PID1: variants seen among roughly 807,000 people sequenced by gnomAD.
PID1 encodes PTB-containing, cubilin and LRP1-interacting protein.
A neutral mutation model predicts 19.1 loss-of-function variants in PID1; 10 were observed. The observed-to-expected ratio is 0.52, with a 90% CI of 0.32 to 0.89. PID1 has a LOEUF of 0.89. Among genes scored for constraint, PID1 ranks in the 40% least tolerant of loss-of-function variants. PID1 has a pLI of 0.03. For missense variants in PID1, 248 were observed against 285.3 expected (o/e 0.87, Z 0.94); for synonymous variants, 130 against 116.0 (o/e 1.12, Z -0.78).
rs190799383 is a variant in PID1 at position 229,143,682 on chromosome 2, G to A, written c.177+12136C>T. ...ATTGTAATCACCATGTGTCAAGGGAGGGACCTAGTGTGAGGTGACTGGATC... is the reference window on the plus strand; with the variant it reads ...ATTGTAATCACCATGTGTCAAGGGAAGGACCTAGTGTGAGGTGACTGGATC... On this transcript the variant is annotated intron_variant, in intron 2 of 2. Coordinates refer to ENST00000392055, the MANE Select transcript of PID1 (RefSeq NM_001100818.2). Among the ~76,000 whole-genome samples the A allele has an allele frequency of 1.7e-4, 26 of 152,254 alleles. No homozygotes were observed. In the East Asian group the frequency reaches 5.0e-3, roughly 29 times the overall value.
At chr2:229,052,830 C>T (rs1350100750) in intron 2 of PID1, among the ~76,000 whole-genome samples, 4 of 152,034 alleles carry the variant, frequency 2.6e-5, no homozygotes, top group Non-Finnish European at 5.9e-5. Context: ...TGATAGTGGA[C>T]CAAGAATAAT....
intron 2 of PID1, among the ~76,000 whole-genome samples, chr2:229,146,088 G>A (rs1690123624): frequency 6.6e-6 from 1 of 152,156 alleles, no homozygotes; most frequent in African/African-American, 2.4e-5. Context: ...CCATGCCCTT[G>A]CAAAGGACAT....
At position 229,025,660 on chromosome 2, in the gene PID1, G is replaced by T; in HGVS notation, c.626C>A (p.Ser209Tyr). The part of the protein sequence containing the change: ...IHSNSSSEEV[S>Y]QELESDDG ...GCCATCATCGGATTCCAATTCCTGGGAAACCTCTTCGGAGGAGCTGTTGCT... is the reference window on the plus strand; with the variant it reads ...GCCATCATCGGATTCCAATTCCTGGTAAACCTCTTCGGAGGAGCTGTTGCT... The change falls in exon 3 of 3, where the codon TCC (serine) becomes TAC (tyrosine). Residue 209 changes from serine (S) to tyrosine (Y), a missense_variant. Physicochemically the swap from Ser to Tyr is moderately radical, Grantham distance 144 (BLOSUM62 -2). Transcript: ENST00000392055. 1 of 1,611,680 alleles carries T rather than the reference G, an allele frequency of 6.2e-7. No individual in the cohort carries two copies. The highest frequency in any genetic ancestry group is 8.5e-7 in the Non-Finnish European group (1 of 1,177,892).
At chr2:229,202,351 A>C (rs1209949671) in intron 1 of PID1, among the ~76,000 whole-genome samples, 1 of 152,070 alleles carries the variant, frequency 6.6e-6, no homozygotes, top group African/African-American at 2.4e-5. Context: ...TTGAGTCTTA[A>C]AGAATTTTTC....
In PID1 at chr2:229,234,712, T is replaced by G. The variant is rs1469640762; in HGVS notation, c.30+36302A>C. ...GGGTGAGAATGGGGGGCCATTTGCC[T>G]ACTAGAAATATACCCATCTCTTTAA... On this transcript the variant is annotated intron_variant, in intron 1 of 2. Transcript: ENST00000392055. 5.3e-5 allele frequency among the ~76,000 whole-genome samples: 8 copies of G among 152,204 alleles called. 1 individual carries two copies. The South Asian group carries it at 1.7e-3, about 32-fold the overall frequency.
intron 1 of PID1, among the ~76,000 whole-genome samples, chr2:229,157,428 C>T (rs1293700537): frequency 8.0e-6 from 1 of 124,672 alleles, no homozygotes. Flanking sequence ...AAGATTCCAT[C>T]TCAAAAAAAA....
chr2:229,155,947 C>T lies in PID1; in HGVS notation c.48G>A (p.Leu16=), dbSNP rs769838689. The change falls in exon 2 of 3, where the codon CTG becomes CTA. Residue 16 remains leucine, a synonymous_variant. Transcript: ENST00000392055. ...TERLQHFQTM[L]KSKLNVLTLK... ...GTGTTAAGACATTCAATTTAGACTT[C>T]AGCATGGTCTGAAAGTGCTGAAAAG... The T allele has an allele frequency of 2.5e-6, 4 of 1,613,840 alleles. No individual in the cohort carries two copies. The highest frequency in any genetic ancestry group is 2.7e-5 in the African/African-American group (2 of 75,056).
At chr2:229,204,796 T>A (rs1275125563) in intron 1 of PID1, among the ~76,000 whole-genome samples, 1 of 152,004 alleles carries the variant, frequency 6.6e-6, no homozygotes, top group Non-Finnish European at 1.5e-5. Flanking sequence ...GTGGTACGGG[T>A]GGTCTTCAGT....
intron 1 of PID1, among the ~76,000 whole-genome samples, chr2:229,243,352 C>T (rs956948148): frequency 1.3e-5 from 2 of 152,048 alleles, no homozygotes; most frequent in Non-Finnish European, 2.9e-5. Flanking sequence ...CAGAGCCAAA[C>T]CATATCAATC....
At chr2:229,194,860 G>A (rs1393955907) in intron 1 of PID1, among the ~76,000 whole-genome samples, 3 of 151,828 alleles carry the variant, frequency 2.0e-5, no homozygotes, top group African/African-American at 4.8e-5. Context: ...CATGTATATA[G>A]TATAGATATA....
At chr2:229,167,332 C>G (rs935485585) in intron 1 of PID1, among the ~76,000 whole-genome samples, 4 of 152,038 alleles carry the variant, frequency 2.6e-5, no homozygotes, top group African/African-American at 9.7e-5. Flanking sequence ...CAGACATTAC[C>G]TTGACTAAGT....
chr2:229,164,615 A>T (rs1559264803), intron 1 of PID1, among the ~76,000 whole-genome samples: 1 of 152,236 alleles, frequency 6.6e-6, no homozygotes, highest in Non-Finnish European at 1.5e-5. Context: ...TAACATGAAC[A>T]GGGATGACCC....
chr2:229,035,157 C>CT (rs1288022954), intron 2 of PID1, among the ~76,000 whole-genome samples: 1 of 152,138 alleles, frequency 6.6e-6, no homozygotes, highest in Non-Finnish European at 1.5e-5. Flanking sequence ...TGAAGGTATT[C>CT]TTTTTTAGAT....
intron 1 of PID1, among the ~76,000 whole-genome samples, chr2:229,200,004 G>A (rs1691462249): frequency 6.6e-6 from 1 of 151,960 alleles, no homozygotes; most frequent in African/African-American, 2.4e-5. Context: ...ACTTTCAGTA[G>A]GTCAACTTGA....
chr2:229,099,413 A>G (rs1406325673), intron 2 of PID1, among the ~76,000 whole-genome samples: 4 of 152,138 alleles, frequency 2.6e-5, no homozygotes, highest in African/African-American at 9.7e-5. Context: ...GAGGCAGGAA[A>G]CTCAGTACCA....
intron 2 of PID1, among the ~76,000 whole-genome samples, chr2:229,052,651 A>T (rs1363204073): frequency 6.6e-6 from 1 of 152,076 alleles, no homozygotes; most frequent in Non-Finnish European, 1.5e-5. Context: ...TACATGAAAT[A>T]AATTTACTTG....
chr2:229,033,224 T>C (rs1357569182), intron 2 of PID1, among the ~76,000 whole-genome samples: 1 of 152,058 alleles, frequency 6.6e-6, no homozygotes, highest in Non-Finnish European at 1.5e-5. Flanking sequence ...CAAACAAAGA[T>C]GGAAGATGGG....
At chr2:229,185,646 C>T (rs574004257) in intron 1 of PID1, among the ~76,000 whole-genome samples, 119 of 152,114 alleles carry the variant, frequency 7.8e-4, no homozygotes, top group African/African-American at 2.6e-3. Flanking sequence ...GAAAACTCCC[C>T]CTCATAATAA....
chr2:229,183,577 A>G (rs1574699409), intron 1 of PID1, among the ~76,000 whole-genome samples: 1 of 152,170 alleles, frequency 6.6e-6, no homozygotes, highest in Non-Finnish European at 1.5e-5. Flanking sequence ...CTCTCCATCA[A>G]GTAAGAGGAA....
Sources: allele counts gnomAD v4.1 joint callset (sites outside exome capture counted in the v4.1 genomes callset), GRCh38; gene constraint gnomAD v4.1.1; transcripts MANE v1.5; gene names NCBI Gene and HGNC (gene_info 2026-07-23, HGNC 2026-07-21).